FADS2: variants seen among roughly 807,000 people sequenced by gnomAD.
The protein encoded by FADS2 is acyl-CoA 6-desaturase.
FADS2 carries 18 observed loss-of-function variants against 61.2 expected under a neutral mutation model. The ratio of observed to expected loss-of-function variants is 0.29; its 90% CI spans 0.20 to 0.44. The LOEUF (loss-of-function observed/expected upper bound fraction) is 0.44, where lower values mean the gene tolerates loss of function less well. Among genes scored for constraint, FADS2 ranks in the 20% least tolerant of loss-of-function variants. The probability of loss-of-function intolerance (pLI) is 1.00; values close to 1 mark genes in which losing one functional copy is unlikely to be tolerated. For synonymous variants in FADS2, 203 were observed against 223.9 expected (o/e 0.91, Z 0.83); for missense variants, 322 against 572.7 (o/e 0.56, Z 4.47).
chr11:61,859,243 G>A (rs2067392152), intron 7 of FADS2, among the ~76,000 whole-genome samples: 1 of 152,008 alleles, frequency 6.6e-6, no homozygotes, highest in Non-Finnish European at 1.5e-5. Context: ...TTTTAGCAGA[G>A]ACAGGGTTTC....
chr11:61,835,155 G>T (rs914279626), intron 1 of FADS2, among the ~76,000 whole-genome samples: 1 of 151,982 alleles, frequency 6.6e-6, no homozygotes, highest in African/African-American at 2.4e-5. Context: ...ATCCCTTTTC[G>T]GCTCGGCTAG....
At chr11:61,822,430 T>A (rs900342863) in intron 1 of FADS2, among the ~76,000 whole-genome samples, 3 of 152,234 alleles carry the variant, frequency 2.0e-5, no homozygotes, top group Non-Finnish European at 4.4e-5. Flanking sequence ...TAACTTTTAG[T>A]TCCTCTCTAC....
rs536743535 is a variant in FADS2 at position 61,865,398 on chromosome 11, C to T, written c.1283+121C>T. ...CCCACCAGGGCACCTGCCTTACTCC[C>T]GAGCCTGTGTTAGGAGCTGTTGGGC... On this transcript the variant is annotated intron_variant, in intron 11 of 11. Coordinates refer to ENST00000278840, the MANE Select transcript of FADS2 (RefSeq NM_004265.4). This position sits in a 1 kb window ranked among gnomAD's most constrained non-coding sequence, Gnocchi z 4.1. 225 of 1,290,042 alleles carry T rather than the reference C, an allele frequency of 1.7e-4. 1 individual carries two copies. Among genetic ancestry groups the T allele is most frequent in the Non-Finnish European group, 2.1e-4 (198 of 940,806 alleles). The allele number at this position is 1,290,042 out of a possible 1,614,324, so 79.9% of individuals were successfully genotyped here.
intron 1 of FADS2, among the ~76,000 whole-genome samples, chr11:61,820,760 G>A (rs967012712): frequency 6.6e-6 from 1 of 152,068 alleles, no homozygotes; most frequent in Admixed American, 6.6e-5. Flanking sequence ...TTAGCCGGGT[G>A]TGGTGGGGGG....
At chr11:61,819,632 T>G (rs539062109) in intron 1 of FADS2, among the ~76,000 whole-genome samples, 1 of 152,352 alleles carries the variant, frequency 6.6e-6, no homozygotes, top group South Asian at 2.1e-4. Context: ...ACACTCTAAA[T>G]GCCCATCAGT....
rs1479258898 is a variant in FADS2, at chr11:61,840,545, C to A, written c.516+14C>A. ...GCTACCTCTCAGGTGAGGCGTGACA[C>A]CCTCACTTCCCCTAGCTGACAGAGG... On this transcript the variant is annotated intron_variant, in intron 3 of 11. Transcript: ENST00000278840. The A allele has an allele frequency of 6.2e-7, 1 of 1,613,016 alleles. No homozygotes were observed. The highest frequency in any genetic ancestry group is 8.5e-7 in the Non-Finnish European group (1 of 1,178,974).
chr11:61,850,281 T>C (rs55896837), intron 5 of FADS2, among the ~76,000 whole-genome samples: 12,414 of 152,136 alleles, frequency 0.082, 797 homozygotes, highest in African/African-American at 0.16. Context: ...GACAGAGTCT[T>C]ACTCTCTTGC....
At chr11:61,859,586 C>G (rs2067395460) in intron 7 of FADS2, among the ~76,000 whole-genome samples, 1 of 152,236 alleles carries the variant, frequency 6.6e-6, no homozygotes, top group Non-Finnish European at 1.5e-5. Context: ...ATGGCTCCAT[C>G]ATCCACCCAG....
intron 4 of FADS2, among the ~76,000 whole-genome samples, chr11:61,845,877 G>C (rs1219664940): frequency 6.6e-6 from 1 of 152,020 alleles, no homozygotes; most frequent in African/African-American, 2.4e-5. Context: ...CGAGTCCAGG[G>C]AGAACCGGGA....
rs1248609975 is a variant in FADS2 at position 61,828,308 on chromosome 11, C to G, written c.-83C>G. ...GCGAAGAGGGCCCGGGCTGCACACA[C>G]CGGCTGGGAGGCAGCCGTCTGTGCA... On this transcript the variant is annotated 5_prime_UTR_variant, in exon 1 of 12. Coordinates refer to ENST00000278840, the MANE Select transcript of FADS2 (RefSeq NM_004265.4). The surrounding 1 kb of genome is among the most constrained non-coding windows in gnomAD (Gnocchi z 6.4). 3 of 1,517,190 alleles carry G rather than the reference C, an allele frequency of 2.0e-6. No homozygotes were observed. The highest frequency in any genetic ancestry group is 1.3e-5 in the South Asian group (1 of 78,444). 94.0% of individuals were successfully genotyped at this position (1,517,190 alleles called of 1,614,324 possible).
At chr11:61,824,423 AGAGAGAGAGAGGGAGGGAGG>A (rs2067055840), upstream of FADS2, among the ~76,000 whole-genome samples, 2 of 12,130 alleles carry the variant, frequency 1.6e-4, no homozygotes, top group Non-Finnish European at 2.1e-4. Context: ...AGAGAGAGAG[AGAGAGAGAGAGGGAGGGAGG>A]GAGGGAGGGA....
Position 61,865,050 on chromosome 11 carries a change from T to C in FADS2, c.1158-102T>C, listed in dbSNP as rs769755653. 53 of 1,393,156 alleles carry C rather than the reference T, an allele frequency of 3.8e-5. No homozygotes were observed. Among genetic ancestry groups the C allele is most frequent in the Non-Finnish European group, 5.2e-5 (53 of 1,017,988 alleles). The allele number at this position is 1,393,156 out of a possible 1,614,324, so 86.3% of individuals were successfully genotyped here. A position where few individuals can be genotyped will look rare whatever the true frequency, so the allele number is the denominator to read the frequency against. On this transcript the variant is annotated intron_variant, in intron 10 of 11. Coordinates refer to ENST00000278840, the MANE Select transcript of FADS2 (RefSeq NM_004265.4). The surrounding 1 kb of genome is among the most constrained non-coding windows in gnomAD (Gnocchi z 4.1). ...AGACTGGTCCTGGCTGTGGACAGGGTCTCTGAGGGCCCCAGCCAGCCTCTG... is the reference window on the plus strand; with the variant it reads ...AGACTGGTCCTGGCTGTGGACAGGGCCTCTGAGGGCCCCAGCCAGCCTCTG...
In FADS2 at chr11:61,865,169, C is replaced by G; in HGVS notation, c.1175C>G (p.Pro392Arg). 1 of 1,613,678 alleles carries G rather than the reference C, an allele frequency of 6.2e-7. No individual in the cohort carries two copies. The highest frequency in any genetic ancestry group is 8.5e-7 in the Non-Finnish European group (1 of 1,179,958). ...QIEHHLFPTM[P>R]RHNLHKIAPL... ...CTCCTCAGCCTCTTCCCCACCATGCCCCGGCACAACTTACACAAGATCGCC... is the reference window on the plus strand; with the variant it reads ...CTCCTCAGCCTCTTCCCCACCATGCGCCGGCACAACTTACACAAGATCGCC... Residue 392 changes from proline (P) to arginine (R), a missense_variant, in exon 11 of 12, where the codon CCC (proline) becomes CGC (arginine). Transcript: ENST00000278840. The surrounding 1 kb of genome is among the most constrained non-coding windows in gnomAD (Gnocchi z 4.1).
intron 1 of FADS2, among the ~76,000 whole-genome samples, chr11:61,833,020 C>A (rs187953679): frequency 1.3e-5 from 2 of 152,274 alleles, no homozygotes; most frequent in Admixed American, 1.3e-4. Context: ...GGGGCAGGGG[C>A]AGGGAAAATG....
intron 5 of FADS2, 152 bp downstream of exon 5, chr11:61,848,436 G>A (rs1394523512): frequency 7.2e-7 from 1 of 1,384,186 alleles, no homozygotes; most frequent in East Asian, 2.3e-5. Flanking sequence ...GGTTGGTGTT[G>A]ACCTAGGAAG....
In FADS2 at chr11:61,840,406, G is replaced by A. The variant is rs767852784; in HGVS notation, c.391G>A (p.Val131Met). The change falls in exon 3 of 12, where the codon GTG (valine) becomes ATG (methionine). Residue 131 changes from valine to methionine, a missense_variant. Val to Met is a conservative substitution (Grantham distance 21). Coordinates refer to ENST00000278840, the MANE Select transcript of FADS2 (RefSeq NM_004265.4). ...CATGAACCTGTTCAAGACCAACCAC[G>A]TGTTCTTCCTCCTCCTCCTGGCCCA... ...EDMNLFKTNHVFFLLLLAHII... is the reference protein window; with the variant it reads ...EDMNLFKTNHMFFLLLLAHII... 2.1e-5 allele frequency: 34 copies of A among 1,614,186 alleles called. No homozygotes were observed. The highest frequency in any genetic ancestry group is 1.6e-4 in the Middle Eastern group (1 of 6,062).
chr11:61,859,621 A>G (rs1342092113), intron 7 of FADS2, among the ~76,000 whole-genome samples: 1 of 152,178 alleles, frequency 6.6e-6, no homozygotes, highest in Admixed American at 6.5e-5. Context: ...GACTAGCACC[A>G]TTATGTTTTT....
intron 1 of FADS2, among the ~76,000 whole-genome samples, chr11:61,819,315 C>T (rs2067015901): frequency 6.6e-6 from 1 of 152,236 alleles, no homozygotes; most frequent in African/African-American, 2.4e-5. Flanking sequence ...GTGCCTCACG[C>T]CTATAATCCT....
chr11:61,824,519 GAAAGAA>G (rs1182796024), upstream of FADS2, among the ~76,000 whole-genome samples: 2,037 of 114,700 alleles, frequency 0.018, 378 homozygotes, highest in East Asian at 0.1. Context: ...AAGAAAGAAA[GAAAGAA>G]AGAAAAATCA....
Sources: gnomAD v4.1 joint callset for allele counts (sites outside exome capture counted in the v4.1 genomes callset) on GRCh38, gnomAD v4.1.1 for gene constraint, Gnocchi (gnomAD v3.1) non-coding constraint, MANE v1.5 for transcripts, NCBI Gene and HGNC (gene_info 2026-07-23, HGNC 2026-07-21) for gene names.